Variants in SHROOM4 observed in about 807,000 individuals in gnomAD.
SHROOM4 encodes the protein shroom family member 4.
In SHROOM4, 17 loss-of-function variants were observed where a neutral mutation model predicts 80.3. That is an observed-to-expected ratio of 0.21 (90% CI 0.14 to 0.32). SHROOM4 has a LOEUF of 0.32. Ranked by LOEUF, SHROOM4 falls within the 10% of genes least tolerant of loss-of-function variation. The pLI is 1.00. For missense variants in SHROOM4, 993 were observed against 1,140.3 expected, an observed-to-expected ratio of 0.87 and a Z score of 1.86; for synonymous variants, 400 against 437.5, an observed-to-expected ratio of 0.91 and a Z score of 1.07.
chrX:50,810,031 A>G (rs912709113), intron 1 of SHROOM4, among the ~76,000 whole-genome samples: 11 of 111,031 alleles, frequency 9.9e-5, no homozygotes, highest in African/African-American at 3.0e-4. Flanking sequence ...GGGTCACACT[A>G]TGTTGCCCAA....
chrX:50,774,232 G>C lies in SHROOM4; in HGVS notation c.117+39670C>G, dbSNP rs189509855. ...GTTCCCTTTCATCAGATGTACAAAT[G>C]TATTGGTTACAGAGTTCACACTGAA... On this transcript the variant is annotated intron_variant, in intron 1 of 8. Transcript: ENST00000376020. 2.5e-3 allele frequency among the ~76,000 whole-genome samples: 279 copies of C among 111,354 alleles called. 1 individual carries two copies. The highest frequency in any genetic ancestry group is 9.3e-3 in the Middle Eastern group (2 of 216).
intron 1 of SHROOM4, among the ~76,000 whole-genome samples, chrX:50,771,943 C>T (rs1935402768): frequency 9.0e-6 from 1 of 110,860 alleles, no homozygotes; most frequent in South Asian, 3.8e-4. Context: ...AAGATTTCTG[C>T]AACGTATTGT....
intron 1 of SHROOM4, among the ~76,000 whole-genome samples, chrX:50,768,099 T>C (rs1192824592): frequency 8.9e-6 from 1 of 112,258 alleles, no homozygotes; most frequent in Non-Finnish European, 1.9e-5. Flanking sequence ...TCAAACTTAC[T>C]TTTTAAAAAC....
chrX:50,733,410 T>G (rs1314259927), intron 1 of SHROOM4, among the ~76,000 whole-genome samples: 1 of 111,656 alleles, frequency 9.0e-6, no homozygotes, highest in African/African-American at 3.3e-5. Context: ...GGCATTGCCC[T>G]TATGAATAAA....
At chrX:50,636,980 C>T (rs781943266) in intron 3 of SHROOM4, among the ~76,000 whole-genome samples, 1 of 111,534 alleles carries the variant, frequency 9.0e-6, no homozygotes, top group Non-Finnish European at 1.9e-5. Flanking sequence ...GCAGCTGCTA[C>T]TCTCTTGATT....
chrX:50,742,989 T>C (rs782233869), intron 1 of SHROOM4, among the ~76,000 whole-genome samples: 6 of 112,005 alleles, frequency 5.4e-5, no homozygotes, highest in Admixed American at 1.9e-4. Flanking sequence ...ATAAATATCT[T>C]GGATTATAAT....
intron 1 of SHROOM4, among the ~76,000 whole-genome samples, chrX:50,737,814 C>T (rs782112986): frequency 2.7e-4 from 30 of 111,873 alleles, no homozygotes; most frequent in Non-Finnish European, 4.7e-4. Context: ...GGGAATCCTC[C>T]CTAACTCATT....
intron 1 of SHROOM4, among the ~76,000 whole-genome samples, chrX:50,719,026 G>C (rs782750290): frequency 8.9e-6 from 1 of 112,013 alleles, no homozygotes; most frequent in Non-Finnish European, 1.9e-5. Context: ...ATTCCCAGCT[G>C]CAAGAGAGTG....
intron 2 of SHROOM4, among the ~76,000 whole-genome samples, chrX:50,678,988 C>T (rs1391873577): frequency 4.5e-5 from 5 of 111,553 alleles, no homozygotes; most frequent in Non-Finnish European, 9.4e-5. Context: ...AACCAGTAAC[C>T]TCTGAATTAG....
chrX:50,678,354 C>T (rs1314066912), intron 2 of SHROOM4, among the ~76,000 whole-genome samples: 1 of 111,378 alleles, frequency 9.0e-6, no homozygotes, highest in Non-Finnish European at 1.9e-5. Flanking sequence ...ATATGCCTAT[C>T]ATAACAAATT....
At chrX:50,639,979 T>C (rs1931524381) in intron 2 of SHROOM4, among the ~76,000 whole-genome samples, 1 of 111,406 alleles carries the variant, frequency 9.0e-6, no homozygotes, top group Admixed American at 9.5e-5. Flanking sequence ...GTAATCACAT[T>C]GTTCTATTAT....
intron 2 of SHROOM4, among the ~76,000 whole-genome samples, chrX:50,650,183 C>T (rs1931986785): frequency 8.9e-6 from 1 of 112,214 alleles, no homozygotes; most frequent in Admixed American, 9.4e-5. Context: ...TGCATATATA[C>T]ATATTCTTAT....
intron 5 of SHROOM4, among the ~76,000 whole-genome samples, chrX:50,609,238 G>C (rs1292830652): frequency 9.2e-6 from 1 of 108,599 alleles, no homozygotes; most frequent in Non-Finnish European, 1.9e-5. Flanking sequence ...CTCCAGCTGG[G>C]GTGACAGAGT....
intron 1 of SHROOM4, among the ~76,000 whole-genome samples, chrX:50,720,917 A>C (rs1934094752): frequency 8.9e-6 from 1 of 112,164 alleles, no homozygotes. Flanking sequence ...AGGACAGGTG[A>C]TAGAATATGA....
At chrX:50,680,840 T>C (rs1251518014) in intron 2 of SHROOM4, among the ~76,000 whole-genome samples, 1 of 111,520 alleles carries the variant, frequency 9.0e-6, no homozygotes, top group Non-Finnish European at 1.9e-5. Context: ...AATAGACATG[T>C]CATTACATTT....
At chrX:50,628,565 GCTA>G (rs782815001) in intron 4 of SHROOM4, among the ~76,000 whole-genome samples, 1 of 111,489 alleles carries the variant, frequency 9.0e-6, no homozygotes, top group South Asian at 3.8e-4. Flanking sequence ...TTTCTCCAAT[GCTA>G]CTACTATTAG....
chrX:50,768,884 G>A (rs1935335949), intron 1 of SHROOM4, among the ~76,000 whole-genome samples: 2 of 111,648 alleles, frequency 1.8e-5, no homozygotes, highest in Admixed American at 9.6e-5. Flanking sequence ...ACATTTATAG[G>A]AATTAGGTTG....
At chrX:50,652,344 C>CT (rs1158385987) in intron 2 of SHROOM4, among the ~76,000 whole-genome samples, 1 of 112,125 alleles carries the variant, frequency 8.9e-6, no homozygotes, top group Non-Finnish European at 1.9e-5. Context: ...TGACGATAAG[C>CT]TTTTTTTCAT....
At chrX:50,649,267 G>A (rs1404157480) in intron 2 of SHROOM4, among the ~76,000 whole-genome samples, 1 of 112,032 alleles carries the variant, frequency 8.9e-6, no homozygotes, top group Non-Finnish European at 1.9e-5. Context: ...TGTGCCCAGC[G>A]AGCAGCTTGA....
Sources: allele counts gnomAD v4.1 joint callset (sites outside exome capture counted in the v4.1 genomes callset), GRCh38; gene constraint gnomAD v4.1.1; transcripts MANE v1.5; gene names NCBI Gene and HGNC (gene_info 2026-07-23, HGNC 2026-07-21).